SETD2: variants seen among roughly 807,000 people sequenced by gnomAD.
SETD2 encodes SET domain containing 2, histone lysine methyltransferase.
SETD2 carries 31 observed loss-of-function variants against 242.1 expected under a neutral mutation model. The ratio of observed to expected loss-of-function variants is 0.13; its 90% CI spans 0.10 to 0.17. The LOEUF (loss-of-function observed/expected upper bound fraction) is 0.17, where lower values mean the gene tolerates loss of function less well. Ranked by LOEUF, SETD2 falls within the 10% of genes least tolerant of loss-of-function variation. The pLI, the probability that SETD2 is intolerant of heterozygous loss-of-function variation, is 1.00. For missense variants in SETD2, 2,481 were observed against 3,046.3 expected (o/e 0.81, Z 4.37); for synonymous variants, 1,006 against 1,066.5 (o/e 0.94, Z 1.11).
At position 47,132,432 on chromosome 3, in the gene SETD2, A is replaced by G. The variant is rs544251557; in HGVS notation, c.72-5769T>C. Among the ~76,000 whole-genome samples, 7 of 152,280 alleles carry G rather than the reference A, an allele frequency of 4.6e-5. No homozygotes were observed. In the South Asian group the frequency reaches 8.3e-4, roughly 18 times the overall value. Reference sequence around the variant, plus strand: ...AGCCCAGGAGGTGGAAGTTACAGTGAGCAGAGATTGTGCCACTGCACTCCA... The same window carrying G: ...AGCCCAGGAGGTGGAAGTTACAGTGGGCAGAGATTGTGCCACTGCACTCCA... On this transcript the variant is annotated intron_variant, in intron 1 of 20. Transcript: ENST00000409792.
intron 12 of SETD2, among the ~76,000 whole-genome samples, chr3:47,082,625 A>G (rs1162886001): frequency 3.9e-5 from 6 of 152,214 alleles, no homozygotes; most frequent in Admixed American, 2.6e-4. Flanking sequence ...AAGACATAAT[A>G]AGGCTGACTT....
intron 5 of SETD2, among the ~76,000 whole-genome samples, chr3:47,109,575 G>A (rs2042570930): frequency 6.6e-6 from 1 of 152,134 alleles, no homozygotes; most frequent in Non-Finnish European, 1.5e-5. Flanking sequence ...CTGAGCCCAG[G>A]AGGTTGAGGC....
At chr3:47,039,246 G>A (rs1022452303) in intron 17 of SETD2, among the ~76,000 whole-genome samples, 9 of 150,648 alleles carry the variant, frequency 6.0e-5, no homozygotes, top group Non-Finnish European at 1.0e-4. Context: ...ATGGAGTCTC[G>A]CTCTGTGACC....
intron 18 of SETD2, among the ~76,000 whole-genome samples, chr3:47,033,066 A>G (rs2038845458): frequency 6.6e-6 from 1 of 152,196 alleles, no homozygotes; most frequent in African/African-American, 2.4e-5. Flanking sequence ...GTTTCCCACC[A>G]TACAAAGGTT....
chr3:47,072,954 A>AAAAGAAAG (rs760800645), intron 12 of SETD2, among the ~76,000 whole-genome samples: 4 of 151,290 alleles, frequency 2.6e-5, no homozygotes, highest in African/African-American at 9.7e-5. Flanking sequence ...CTCAAAAAAA[A>AAAAGAAAG]AAAGAAAGAA....
At chr3:47,099,279 C>T (rs1043698070) in intron 8 of SETD2, among the ~76,000 whole-genome samples, 1 of 152,088 alleles carries the variant, frequency 6.6e-6, no homozygotes, top group Non-Finnish European at 1.5e-5. Flanking sequence ...CAGCTGTGTG[C>T]TTTTCTAGCA....
In SETD2 at chr3:47,017,477, T is replaced by A. The variant is rs2038031104; in HGVS notation, c.7533+161A>T. Among the ~76,000 whole-genome samples, 1 of 151,952 alleles carries A rather than the reference T, an allele frequency of 6.6e-6. No individual in the cohort carries two copies. Among genetic ancestry groups the A allele is most frequent in the African/African-American group, 2.4e-5 (1 of 41,344 alleles). On this transcript the variant is annotated intron_variant, in intron 20 of 20. Coordinates refer to ENST00000409792, the MANE Select transcript of SETD2 (RefSeq NM_014159.7). The surrounding 1 kb of genome is among the most constrained non-coding windows in gnomAD (Gnocchi z 4.8). ...AGAGAACTACTGCTGTCATGTAAGGTACGCATCCCTCCCCAAACCTTCCCT... is the reference window on the plus strand; with the variant it reads ...AGAGAACTACTGCTGTCATGTAAGGAACGCATCCCTCCCCAAACCTTCCCT...
rs1303561180 is a variant in SETD2 at position 47,123,716 on chromosome 3, G to T, written c.920C>A (p.Ser307Tyr). 2 of 1,551,332 alleles carry T rather than the reference G, an allele frequency of 1.3e-6. No homozygotes were observed. Among genetic ancestry groups the T allele is most frequent in the Admixed American group, 3.9e-5 (2 of 50,922 alleles). Residue 307 changes from serine to tyrosine, a missense_variant, in exon 3 of 21, where the codon TCT becomes TAT. Around this residue, in one of 17 missense-constraint regions of SETD2, gnomAD observed 334 missense variants for 374.5 expected, o/e 0.89. Transcript: ENST00000409792. ...KISLSCKKTG[S>Y]KKKSSQSEGI... ...TTCAGATTGTGAGGATTTCTTCTTA[G>T]AACCTGTTTTTTTACAGCTCAGACT...
chr3:47,027,313 G>T (rs2038529776), intron 18 of SETD2, among the ~76,000 whole-genome samples: 2 of 141,630 alleles, frequency 1.4e-5, no homozygotes, highest in African/African-American at 5.2e-5. Context: ...CTCCAGCCTG[G>T]GCGACAGAGC....
At chr3:47,020,927 A>G (rs151145406) in intron 18 of SETD2, among the ~76,000 whole-genome samples, 4 of 152,092 alleles carry the variant, frequency 2.6e-5, no homozygotes, top group East Asian at 1.9e-4. Context: ...TTACAAATCA[A>G]CTTTCTCTGC....
At chr3:47,090,538 G>C (rs1451752663) in intron 9 of SETD2, among the ~76,000 whole-genome samples, 1 of 151,840 alleles carries the variant, frequency 6.6e-6, no homozygotes, top group Non-Finnish European at 1.5e-5. Flanking sequence ...CTACAGGCCC[G>C]TGCCACCATA....
intron 19 of SETD2, 73 bp downstream of exon 19, chr3:47,019,687 T>A: frequency 7.8e-7 from 1 of 1,275,170 alleles, no homozygotes; most frequent in South Asian, 1.2e-5. Flanking sequence ...ATATTCGACA[T>A]ACTTAGGACA....
chr3:47,086,329 G>C lies in SETD2; in HGVS notation c.5278-15C>G. The C allele has an allele frequency of 6.2e-7, 1 of 1,609,850 alleles. No homozygotes were observed. Among genetic ancestry groups the C allele is most frequent in the Non-Finnish European group, 8.5e-7 (1 of 1,177,198 alleles). ...GAGTGTGTGTTCTTTCATGGGGGAA[G>C]GGAGACACGATGCAGAGCATTGGGA... On this transcript the variant is annotated splice_polypyrimidine_tract_variant and intron_variant, in intron 10 of 20. Coordinates refer to ENST00000409792, the MANE Select transcript of SETD2 (RefSeq NM_014159.7).
intron 14 of SETD2, among the ~76,000 whole-genome samples, chr3:47,057,777 G>A (rs1351160763): frequency 6.6e-6 from 1 of 151,936 alleles, no homozygotes; most frequent in Admixed American, 6.6e-5. Flanking sequence ...CTTTATAGCT[G>A]GGGACATTTC....
At chr3:47,039,053 T>C (rs1220767452) in intron 17 of SETD2, among the ~76,000 whole-genome samples, 1 of 152,186 alleles carries the variant, frequency 6.6e-6, no homozygotes, top group African/African-American at 2.4e-5. Context: ...AACTCATTTA[T>C]TTTAAAAGGC....
rs749711127 is a variant in SETD2, at chr3:47,122,391, T to A, written c.2245A>T (p.Thr749Ser). The change falls in exon 3 of 21, where the codon ACA becomes TCA. Residue 749 changes from threonine to serine, a missense_variant. This residue lies in a region of SETD2 where 1,300 missense variants were observed against 1,259.2 expected (regional missense o/e 1.03). Coordinates refer to ENST00000409792, the MANE Select transcript of SETD2 (RefSeq NM_014159.7). Reference protein sequence around the residue: ...HKKSESPFRETEPLVSPHQDK... With the variant: ...HKKSESPFRESEPLVSPHQDK... ...TGGTGTGGTGACACCAGAGGTTCTG[T>A]TTCTCTAAATGGGCTTTCTGACTTC... 1.9e-6 allele frequency: 3 copies of A among 1,614,132 alleles called. No individual in the cohort carries two copies. The highest frequency in any genetic ancestry group is 2.2e-5 in the South Asian group (2 of 91,090).
At chr3:47,146,308 T>TA (rs1468513685) in intron 1 of SETD2, among the ~76,000 whole-genome samples, 1 of 152,142 alleles carries the variant, frequency 6.6e-6, no homozygotes, top group African/African-American at 2.4e-5. Context: ...ATATTTACTT[T>TA]AAAAAGAGAA....
rs971681007 is a variant in SETD2 at position 47,046,580 on chromosome 3, C to A, written c.7005G>T (p.Gln2335His). ...CTCCTTGTGGATGAGCTGTGAAAAT[C>A]TGTTGCCCCTGGATATACTGAAGAC... is the stretch of plus-strand genomic sequence containing the variant. Reference protein sequence around the residue: ...QPSLQYIQGQQIFTAHPQGVV... With the variant: ...QPSLQYIQGQHIFTAHPQGVV... Residue 2335 changes from glutamine (Q) to histidine (H), a missense_variant, in exon 16 of 21, where the codon CAG becomes CAT. Gln to His is a conservative substitution (Grantham distance 24). Transcript: ENST00000409792. The A allele has an allele frequency of 5.0e-6, 8 of 1,613,470 alleles. No homozygotes were observed. Among genetic ancestry groups the A allele is most frequent in the Non-Finnish European group, 6.8e-6 (8 of 1,179,664 alleles).
At chr3:47,109,810 A>AC (rs906245354) in intron 5 of SETD2, among the ~76,000 whole-genome samples, 137 of 151,800 alleles carry the variant, frequency 9.0e-4, no homozygotes, top group African/African-American at 3.0e-3. Context: ...ACATGGTGAA[A>AC]CCCCCTCTCT....
Sources: gnomAD v4.1 joint callset for allele counts (sites outside exome capture counted in the v4.1 genomes callset) on GRCh38, gnomAD v4.1.1 for gene constraint, gnomAD v4.1.1 regional missense constraint, Gnocchi (gnomAD v3.1) non-coding constraint, MANE v1.5 for transcripts, NCBI Gene and HGNC (gene_info 2026-07-23, HGNC 2026-07-21) for gene names.